Variants in TEX9 observed in about 807,000 individuals in gnomAD.
TEX9 encodes the protein testis-expressed protein 9.
In TEX9, 74 loss-of-function variants were observed where a neutral mutation model predicts 59.6. That is an observed-to-expected ratio of 1.24 (90% CI 1.03 to 1.51). TEX9 has a LOEUF of 1.51. TEX9 is among the 40% of genes most tolerant of loss of function. TEX9 has a pLI of 0.00. For missense variants in TEX9, 522 were observed against 447.8 expected, an observed-to-expected ratio of 1.17 and a Z score of -1.49; for synonymous variants, 186 against 152.2, an observed-to-expected ratio of 1.22 and a Z score of -1.64.
intron 12 of TEX9, chr15:56,431,235 C>G: frequency 1.1e-6 from 1 of 902,378 alleles, no homozygotes; most frequent in Non-Finnish European, 1.7e-6. Flanking sequence ...AGGTTCAGTG[C>G]CTGGACAGGA....
chr15:56,348,718 T>G (rs1181799545), intron 1 of TEX9, among the ~76,000 whole-genome samples: 1 of 152,128 alleles, frequency 6.6e-6, no homozygotes, highest in African/African-American at 2.4e-5. Context: ...GGGCATGGCT[T>G]CTTTCCTTTG....
intron 1 of TEX9, among the ~76,000 whole-genome samples, chr15:56,253,028 G>A (rs2044064278): frequency 1.3e-5 from 2 of 152,024 alleles, no homozygotes; most frequent in South Asian, 2.1e-4. Flanking sequence ...TGATGGCAGG[G>A]GATAAGGGCC....
chr15:56,347,429 A>G (rs1325836115), intron 1 of TEX9, among the ~76,000 whole-genome samples: 1 of 152,136 alleles, frequency 6.6e-6, no homozygotes, highest in Non-Finnish European at 1.5e-5. Context: ...AGCCAGAAAA[A>G]TATGCCTAAT....
chr15:56,334,492 A>G (rs1270377117), intron 1 of TEX9, among the ~76,000 whole-genome samples: 4 of 152,142 alleles, frequency 2.6e-5, no homozygotes, highest in South Asian at 2.1e-4. Flanking sequence ...GTCTCGTGCC[A>G]TATACAAAAA....
chr15:56,302,856 G>C (rs1455261173), intron 1 of TEX9, among the ~76,000 whole-genome samples: 1 of 152,114 alleles, frequency 6.6e-6, no homozygotes, highest in African/African-American at 2.4e-5. Flanking sequence ...TGAAAATACA[G>C]GGATGGAAAA....
In TEX9 at chr15:56,356,962, C is replaced by T. The variant is rs368713613; in HGVS notation, c.-106-16479C>T. On this transcript the variant is annotated intron_variant, in intron 1 of 5. Transcript: ENST00000560827. The stretch of plus-strand genomic sequence containing the variant: ...ACAGTGGCAGCAATTGTAGTGATCT[C>T]GTATTTAGCTGGGTCCCATTTAGTC... 2.4e-4 allele frequency among the ~76,000 whole-genome samples: 37 copies of T among 152,130 alleles called. 1 individual carries two copies. In the East Asian group the frequency reaches 3.1e-3, roughly 13 times the overall value.
intron 12 of TEX9, chr15:56,429,230 C>A: frequency 1.5e-6 from 2 of 1,328,002 alleles, no homozygotes; most frequent in South Asian, 1.3e-5. Context: ...CTTTTGAATA[C>A]CAGAATATTT....
intron 12 of TEX9, chr15:56,429,915 G>A (rs1247593921): frequency 2.0e-5 from 3 of 152,032 alleles, no homozygotes; most frequent in Admixed American, 6.6e-5. Flanking sequence ...CCCAAAGAAA[G>A]ACATTCCTAC....
At position 56,445,669 on chromosome 15, in the gene TEX9, A is replaced by G. The variant is rs1164771124; in HGVS notation, c.*30-2A>G. 1 of 152,170 alleles carries G rather than the reference A, an allele frequency of 6.6e-6. No individual in the cohort carries two copies. The highest frequency in any genetic ancestry group is 1.5e-5 in the Non-Finnish European group (1 of 67,910). 9.4% of individuals were successfully genotyped at this position (152,170 alleles called of 1,614,324 possible). A position where few individuals can be genotyped will look rare whatever the true frequency, so the allele number is the denominator to read the frequency against. ...ACCGAAAACAATGTTCTCATTTTACAGATAAGAAAACTAAGGCTCAGAGAA... is the reference window on the plus strand; with the variant it reads ...ACCGAAAACAATGTTCTCATTTTACGGATAAGAAAACTAAGGCTCAGAGAA... On this transcript the variant is annotated splice_acceptor_variant, in intron 12 of 12. Coordinates refer to ENST00000352903, the Ensembl canonical transcript of TEX9. LOFTEE classifies it low-confidence loss of function (3UTR_SPLICE).
intron 1 of TEX9, among the ~76,000 whole-genome samples, chr15:56,272,698 A>T (rs909703644): frequency 1.3e-5 from 2 of 152,222 alleles, no homozygotes; most frequent in Non-Finnish European, 2.9e-5. Context: ...ACTGTTTCTC[A>T]TAGTGGCTGC....
chr15:56,337,917 A>C (rs2046288652), intron 1 of TEX9, among the ~76,000 whole-genome samples: 1 of 152,102 alleles, frequency 6.6e-6, no homozygotes, highest in Non-Finnish European at 1.5e-5. Context: ...TTAAAACTGG[A>C]TTCTGATCCT....
chr15:56,442,574 T>C (rs2050835958), intron 12 of TEX9, among the ~76,000 whole-genome samples: 2 of 152,078 alleles, frequency 1.3e-5, no homozygotes, highest in South Asian at 4.2e-4. Context: ...AAGAACAAAA[T>C]CATATCCTTT....
intron 9 of TEX9, chr15:56,409,076 G>C (rs1278247903): frequency 6.6e-6 from 1 of 152,332 alleles, no homozygotes; most frequent in African/African-American, 2.4e-5. Context: ...GTTGCCTGTA[G>C]TCCCAGCTTC....
chr15:56,401,308 CAAAAAAAAAAAA>C, intron 9 of TEX9, among the ~76,000 whole-genome samples: 1 of 46,776 alleles, frequency 2.1e-5, no homozygotes, highest in African/African-American at 1.0e-4. Flanking sequence ...AAATTGAAAG[CAAAAAAAAAAAA>C]AAAAAAAAAA....
chr15:56,246,639 C>T (rs986664536), intron 1 of TEX9, among the ~76,000 whole-genome samples: 2 of 152,182 alleles, frequency 1.3e-5, no homozygotes, highest in Non-Finnish European at 2.9e-5. Context: ...CAATGTGGCT[C>T]ATTTTCTCTG....
At chr15:56,400,742 C>T (rs1475616703) in intron 9 of TEX9, among the ~76,000 whole-genome samples, 3 of 152,154 alleles carry the variant, frequency 2.0e-5, no homozygotes, top group Non-Finnish European at 4.4e-5. Flanking sequence ...ACAGAAAGGT[C>T]GGGTTACCCA....
At chr15:56,456,043 G>T in the TEX9 span, among the ~76,000 whole-genome samples, 1 of 152,064 alleles carries the variant, frequency 6.6e-6, no homozygotes, top group Non-Finnish European at 1.5e-5. Flanking sequence ...AGTCATTCCA[G>T]AAATACTGTA....
At chr15:56,446,587 T>TA (rs1172529069), downstream of TEX9, among the ~76,000 whole-genome samples, 1 of 139,082 alleles carries the variant, frequency 7.2e-6, no homozygotes, top group African/African-American at 2.5e-5. Flanking sequence ...AATAATCAGT[T>TA]AGAGACTATA....
intron 1 of TEX9, among the ~76,000 whole-genome samples, chr15:56,265,779 G>C (rs900038063): frequency 1.3e-5 from 2 of 151,824 alleles, no homozygotes; most frequent in African/African-American, 4.8e-5. Context: ...CTTGGTGAAG[G>C]TTTCATATTT....
Sources: allele counts gnomAD v4.1 joint callset (sites outside exome capture counted in the v4.1 genomes callset), GRCh38; gene constraint gnomAD v4.1.1; transcripts MANE v1.5; gene names NCBI Gene and HGNC (gene_info 2026-07-23, HGNC 2026-07-21).